The following EVC variants were observed in gnomAD, a reference collection of about 807,000 sequenced individuals.
EVC encodes EvC ciliary complex subunit 1.
In EVC, 116 loss-of-function variants were observed where a neutral mutation model predicts 118.9. That is an observed-to-expected ratio of 0.98 (90% CI 0.84 to 1.14). The LOEUF (loss-of-function observed/expected upper bound fraction) is 1.14, where lower values mean the gene tolerates loss of function less well. Among genes scored for constraint, EVC ranks in the 50% most tolerant of loss-of-function variants. The pLI is 0.00. For synonymous variants in EVC, 619 were observed against 534.7 expected (o/e 1.16, Z -2.18); for missense variants, 1,401 against 1,246.4 (o/e 1.12, Z -1.87).
At chr4:5,720,647 TC>T (rs1210555046) in intron 2 of EVC, among the ~76,000 whole-genome samples, 2 of 152,186 alleles carry the variant, frequency 1.3e-5, no homozygotes, top group African/African-American at 4.8e-5. Context: ...TGCATCTCCC[TC>T]CCTGGCTGGT....
intron 11 of EVC, among the ~76,000 whole-genome samples, chr4:5,781,722 C>G (rs1735626227): frequency 6.6e-6 from 1 of 152,120 alleles, no homozygotes; most frequent in Non-Finnish European, 1.5e-5. Context: ...ACTCTATAGT[C>G]CCAGCTATTT....
At chr4:5,818,115 T>C (rs1321948216), downstream of EVC, among the ~76,000 whole-genome samples, 2 of 152,154 alleles carry the variant, frequency 1.3e-5, no homozygotes, top group African/African-American at 4.8e-5. Flanking sequence ...CATACTGTTC[T>C]TGTGGTAGTG....
At chr4:5,751,991 A>G (rs768253049) in intron 8 of EVC, among the ~76,000 whole-genome samples, 1 of 152,152 alleles carries the variant, frequency 6.6e-6, no homozygotes, top group Non-Finnish European at 1.5e-5. Context: ...GCCATGGCTG[A>G]CAGAACCATC....
At chr4:5,758,125 A>G in intron 11 of EVC, 1 of 702,290 alleles carries the variant, frequency 1.4e-6, no homozygotes, top group Non-Finnish European at 2.6e-6. Context: ...AGGCTGTTTG[A>G]AGACAGAAGG....
At chr4:5,825,968 T>TC in the EVC span, 8 of 423,132 alleles carry the variant, frequency 1.9e-5, no homozygotes, top group Non-Finnish European at 2.5e-5. The surrounding 1 kb of genome is among the most constrained non-coding windows in gnomAD (Gnocchi z 4.4). Flanking sequence ...GCACATGCAG[T>TC]AACAAAACAG....
chr4:5,777,167 A>G (rs1364133349), intron 11 of EVC, among the ~76,000 whole-genome samples: 1 of 152,126 alleles, frequency 6.6e-6, no homozygotes, highest in African/African-American at 2.4e-5. Context: ...TCCTTCTCCA[A>G]AGAGGATTTT....
chr4:5,721,472 A>T (rs1459263634), intron 2 of EVC, among the ~76,000 whole-genome samples: 1 of 152,288 alleles, frequency 6.6e-6, no homozygotes, highest in East Asian at 1.9e-4. Context: ...TACAGACAGA[A>T]AGTAGATTAG....
chr4:5,807,154 C>G (rs146002427), intron 17 of EVC, among the ~76,000 whole-genome samples: 1 of 152,240 alleles, frequency 6.6e-6, no homozygotes, highest in African/African-American at 2.4e-5. Flanking sequence ...TCCTTGAGGA[C>G]GGGGACTGTG....
At chr4:5,716,304 G>A (rs1408969379) in intron 1 of EVC, among the ~76,000 whole-genome samples, 1 of 152,244 alleles carries the variant, frequency 6.6e-6, no homozygotes, top group African/African-American at 2.4e-5. Context: ...GGTGACAACT[G>A]GTTTTGGCCT....
chr4:5,809,538 C>T lies in EVC; in HGVS notation c.2709C>T (p.Ile903=), dbSNP rs774968451. 4.3e-6 allele frequency: 7 copies of T among 1,614,214 alleles called. No homozygotes were observed. Among genetic ancestry groups the T allele is most frequent in the Non-Finnish European group, 5.9e-6 (7 of 1,180,042 alleles). Residue 903 remains isoleucine, a synonymous_variant, in exon 19 of 21, where the codon ATC becomes ATT. Coordinates refer to ENST00000264956, the MANE Select transcript of EVC (RefSeq NM_153717.3). ...TTCAGGAAGCTGAACAGAACTTCAT[C>T]TCCGAGCTGGCAGCCTTGGCCCGAG... The part of the protein sequence containing the change: ...TQLQEAEQNF[I]SELAALARVP...
chr4:5,711,394 G>T lies in EVC; in HGVS notation c.14G>T (p.Gly5Val), dbSNP rs939779373. ...TGAGCGCCCCGGATGGCCCGCGGCG[G>T]GGCGGCCTGCAAGAGCGACGCGCGG... is the stretch of plus-strand genomic sequence containing the variant. The part of the protein sequence containing the change: MARG[G>V]AACKSDARLL... The change falls in exon 1 of 21, where the codon GGG (glycine) becomes GTG (valine). Residue 5 changes from glycine (G) to valine (V), a missense_variant. Gly to Val is a moderately radical substitution (Grantham distance 109, BLOSUM62 -3). Coordinates refer to ENST00000264956, the MANE Select transcript of EVC (RefSeq NM_153717.3). The T allele has an allele frequency of 1.9e-5, 19 of 1,014,456 alleles. No individual in the cohort carries two copies. In the African/African-American group the frequency reaches 3.1e-4, roughly 17 times the overall value. The allele number at this position is 1,014,456 out of a possible 1,614,324, so 62.8% of individuals were successfully genotyped here.
chr4:5,788,935 C>G (rs1712232429), intron 12 of EVC, among the ~76,000 whole-genome samples: 1 of 152,192 alleles, frequency 6.6e-6, no homozygotes, highest in African/African-American at 2.4e-5. Context: ...TTAGTGCATT[C>G]TGTGTGTGGC....
intron 13 of EVC, among the ~76,000 whole-genome samples, chr4:5,794,493 C>G (rs1279046457): frequency 6.6e-6 from 1 of 150,876 alleles, no homozygotes; most frequent in African/African-American, 2.4e-5. Flanking sequence ...TGCAACTTCC[C>G]TCTGCCTCCC....
intron 2 of EVC, among the ~76,000 whole-genome samples, chr4:5,723,500 A>G (rs1239541557): frequency 1.3e-5 from 2 of 151,750 alleles, no homozygotes; most frequent in Non-Finnish European, 2.9e-5. Flanking sequence ...TTTCCTTTTC[A>G]TAATTAGGTT....
intron 7 of EVC, among the ~76,000 whole-genome samples, chr4:5,747,531 G>A (rs775033623): frequency 1.3e-5 from 2 of 152,184 alleles, no homozygotes; most frequent in Non-Finnish European, 2.9e-5. Context: ...ATGAGGGAAA[G>A]TTGCTCCGAT....
rs1210075516 is a variant in EVC, at chr4:5,746,053, G to A, written c.939+712G>A. On this transcript the variant is annotated intron_variant, in intron 7 of 20. Coordinates refer to ENST00000264956, the MANE Select transcript of EVC (RefSeq NM_153717.3). The surrounding 1 kb of genome is among the most constrained non-coding windows in gnomAD (Gnocchi z 5.8). Reference sequence around the variant, plus strand: ...GGAGAGGCTGGCCGGGAGAAGTGTGGGTGCTGGCCAGTGGTGGGGCAGAGA... The same window carrying A: ...GGAGAGGCTGGCCGGGAGAAGTGTGAGTGCTGGCCAGTGGTGGGGCAGAGA... Among the ~76,000 whole-genome samples the A allele has an allele frequency of 6.6e-6, 1 of 152,214 alleles. No homozygotes were observed. The highest frequency in any genetic ancestry group is 1.9e-4 in the East Asian group (1 of 5,186).
chr4:5,752,672 G>C, intron 8 of EVC, 164 bp from the exon 9 acceptor site: 5 of 758,898 alleles, frequency 6.6e-6, no homozygotes, highest in East Asian at 5.3e-5. Flanking sequence ...GGCAGACGCA[G>C]ATCTCGCTCA....
At position 5,756,469 on chromosome 4, in the gene EVC, C is replaced by A; in HGVS notation, c.1563+107C>A. On this transcript the variant is annotated intron_variant, in intron 11 of 20. Coordinates refer to ENST00000264956, the MANE Select transcript of EVC (RefSeq NM_153717.3). This position sits in a 1 kb window ranked among gnomAD's most constrained non-coding sequence, Gnocchi z 4.2. ...CCCCAGAGGTGGTTCAGGTCCAACC[C>A]CGCACTCATTGGCCGGTGATCCACG... 1.1e-6 allele frequency: 1 copy of A among 897,098 alleles called. No homozygotes were observed. The highest frequency in any genetic ancestry group is 1.4e-5 in the South Asian group (1 of 70,642). The allele number at this position is 897,098 out of a possible 1,614,324, so 55.6% of individuals were successfully genotyped here.
At chr4:5,790,209 G>C (rs1261943193) in intron 12 of EVC, among the ~76,000 whole-genome samples, 5 of 144,370 alleles carry the variant, frequency 3.5e-5, no homozygotes. Flanking sequence ...AACGATGACT[G>C]TGCAGAATTT....
Sources: gnomAD v4.1 joint callset for allele counts (sites outside exome capture counted in the v4.1 genomes callset) on GRCh38, gnomAD v4.1.1 for gene constraint, Gnocchi (gnomAD v3.1) non-coding constraint, MANE v1.5 for transcripts, NCBI Gene and HGNC (gene_info 2026-07-23, HGNC 2026-07-21) for gene names.